TMEM237: variants seen among roughly 807,000 people sequenced by gnomAD.
TMEM237 encodes the protein transmembrane protein 237.
In TMEM237, 51 loss-of-function variants were observed where a neutral mutation model predicts 59.1. The ratio of observed to expected loss-of-function variants is 0.86; its 90% confidence interval spans 0.69 to 1.09. TMEM237 has a LOEUF of 1.09. Ranked by LOEUF, TMEM237 falls within the 50% of genes least tolerant of loss-of-function variation. The pLI is 0.00. For synonymous variants in TMEM237, 140 were observed against 166.1 expected (o/e 0.84, Z 1.21); for missense variants, 475 against 478.3 (o/e 0.99, Z 0.06).
At chr2:201,630,723 A>C (rs904598848) in intron 7 of TMEM237, among the ~76,000 whole-genome samples, 2 of 152,194 alleles carry the variant, frequency 1.3e-5, no homozygotes, top group East Asian at 3.9e-4. Flanking sequence ...AACTGCGGTA[A>C]TTTAAATGAC....
rs1687473455 is a variant in TMEM237, at chr2:201,643,365, GCCC to G, written c.33_35del (p.Glu11_Gly12delinsAsp). ...CGCGCCCCTCGCCGCTCACCAGGTG[GCCC>G]TCCTCCAGCCGAGCCCCCGAGTCAG... On this transcript the variant is annotated inframe_deletion, in exon 1 of 13. Coordinates refer to ENST00000409883, the MANE Select transcript of TMEM237 (RefSeq NM_001044385.3). This position sits in a 1 kb window ranked among gnomAD's most constrained non-coding sequence, Gnocchi z 4.3. The G allele has an allele frequency of 6.5e-7, 1 of 1,546,268 alleles. No individual in the cohort carries two copies. Among genetic ancestry groups the G allele is most frequent in the African/African-American group, 1.4e-5 (1 of 72,480 alleles).
intron 1 of TMEM237, chr2:201,642,463 A>C: frequency 1.2e-6 from 1 of 865,118 alleles, no homozygotes; most frequent in South Asian, 1.9e-5. Context: ...GATCGATCCC[A>C]GGGCTCTGTT....
chr2:201,621,953 G>C lies in TMEM237; in HGVS notation c.*2302C>G, dbSNP rs747511494. 5 of 152,214 alleles carry C rather than the reference G, an allele frequency of 3.3e-5. No homozygotes were observed. The highest frequency in any genetic ancestry group is 6.6e-5 in the Admixed American group (1 of 15,260). 9.4% of individuals were successfully genotyped at this position (152,214 alleles called of 1,614,324 possible). ...CAGTGAACTTCTTCCAAACTTCCCT[G>C]TCATCACAGTCAAACAATTTTTGAG... On this transcript the variant is annotated 3_prime_UTR_variant, in exon 13 of 13. Transcript: ENST00000409883.
chr2:201,629,787 C>A lies in TMEM237; in HGVS notation c.619G>T (p.Asp207Tyr). 1 of 1,613,684 alleles carries A rather than the reference C, an allele frequency of 6.2e-7. No homozygotes were observed. Among genetic ancestry groups the A allele is most frequent in the Non-Finnish European group, 8.5e-7 (1 of 1,179,828 alleles). ...KTTENIDVSM[D>Y]VKPSWTTRDV... ...CTGGTGGTCCAGGAAGGCTTCACGT[C>A]CATTGACACATCTATGTTTTCTGTG... Residue 207 changes from aspartate to tyrosine, a missense_variant, in exon 8 of 13, where the codon GAC becomes TAC. By Grantham distance (160) the Asp-to-Tyr change is radical. Coordinates refer to ENST00000409883, the MANE Select transcript of TMEM237 (RefSeq NM_001044385.3).
chr2:201,629,883 T>C (rs1309328445), intron 7 of TMEM237, 31 bp from the exon 8 acceptor site: 3 of 1,594,560 alleles, frequency 1.9e-6, no homozygotes, highest in South Asian at 2.3e-5. Context: ...TACTAACAAC[T>C]AGCGAGAGAG....
chr2:201,627,715 C>A (rs1957771325), intron 10 of TMEM237, among the ~76,000 whole-genome samples: 2 of 152,014 alleles, frequency 1.3e-5, no homozygotes, highest in Admixed American at 1.3e-4. Context: ...TATTAATATT[C>A]TCAAAACTTA....
chr2:201,642,554 C>T (rs2241134), intron 1 of TMEM237: 21,285 of 1,585,320 alleles, frequency 0.013, 203 homozygotes, highest in East Asian at 0.042. Context: ...AAAAGTAGGA[C>T]GGCTCAACTG....
At chr2:201,625,234 C>T (rs1347548668) in intron 12 of TMEM237, among the ~76,000 whole-genome samples, 21 of 151,714 alleles carry the variant, frequency 1.4e-4, no homozygotes, top group Non-Finnish European at 2.1e-4. Context: ...TGGTGGCGGG[C>T]GCCTGTAGTT....
intron 9 of TMEM237, among the ~76,000 whole-genome samples, chr2:201,628,471 T>C (rs1285966025): frequency 6.6e-6 from 1 of 152,178 alleles, no homozygotes; most frequent in Non-Finnish European, 1.5e-5. Context: ...CTCGGTGGAT[T>C]TTTTTTAAAA....
chr2:201,628,908 C>G (rs1271618298), intron 9 of TMEM237, among the ~76,000 whole-genome samples: 2 of 152,172 alleles, frequency 1.3e-5, no homozygotes, highest in African/African-American at 4.8e-5. Flanking sequence ...TTTGTTACAG[C>G]AGTGCTAGGA....
rs1157699544 is a variant in TMEM237, at chr2:201,628,090, G to A, written c.929C>T (p.Ala310Val). 1 of 1,607,628 alleles carries A rather than the reference G, an allele frequency of 6.2e-7. No homozygotes were observed. The highest frequency in any genetic ancestry group is 8.5e-7 in the Non-Finnish European group (1 of 1,176,826). ...IRNFLALDPT[A>V]LASFLYFTAL... is the part of the protein sequence containing the mutation. ...TGCTTACTCACAGAAAGATGCTAAA[G>A]CTGTAGGATCCAGGGCCAAAAAATT... The change falls in exon 10 of 13, where the codon GCT becomes GTT. Residue 310 changes from alanine to valine, a missense_variant. Coordinates refer to ENST00000409883, the MANE Select transcript of TMEM237 (RefSeq NM_001044385.3).
rs1199683872 is a variant in TMEM237, at chr2:201,620,200, T to G, written c.*4055A>C. On this transcript the variant is annotated 3_prime_UTR_variant, in exon 13 of 13. Coordinates refer to ENST00000409883, the MANE Select transcript of TMEM237 (RefSeq NM_001044385.3). The stretch of plus-strand genomic sequence containing the variant: ...GAACAAAACCAGAGAATTCCAGAAC[T>G]TCTTTATTGTACATAAAAATCTGAA... 2 of 152,170 alleles carry G rather than the reference T, an allele frequency of 1.3e-5. No homozygotes were observed. The highest frequency in any genetic ancestry group is 4.8e-5 in the African/African-American group (2 of 41,428). The allele number at this position is 152,170 out of a possible 1,614,324, so 9.4% of individuals were successfully genotyped here.
intron 1 of TMEM237, chr2:201,642,747 C>T (rs765332524): frequency 5.5e-6 from 8 of 1,467,476 alleles, no homozygotes; most frequent in Middle Eastern, 1.8e-4. Flanking sequence ...GCTAGTACCC[C>T]GCGCGCAGCG....
intron 9 of TMEM237, among the ~76,000 whole-genome samples, chr2:201,628,544 G>A (rs1211421699): frequency 6.6e-6 from 1 of 152,052 alleles, no homozygotes; most frequent in East Asian, 1.9e-4. Context: ...TTATGAATGT[G>A]ACCTTATTTG....
intron 7 of TMEM237, among the ~76,000 whole-genome samples, chr2:201,630,531 A>G (rs930402176): frequency 2.6e-5 from 4 of 152,164 alleles, no homozygotes; most frequent in African/African-American, 9.7e-5. Context: ...CACCAAACCC[A>G]GTTCGCAGGT....
At chr2:201,641,194 G>A (rs1395360703) in intron 1 of TMEM237, among the ~76,000 whole-genome samples, 1 of 152,158 alleles carries the variant, frequency 6.6e-6, no homozygotes, top group Non-Finnish European at 1.5e-5. Flanking sequence ...GTTTCACCAT[G>A]TTGGCCAGGC....
At chr2:201,626,738 G>A (rs535233465) in intron 11 of TMEM237, among the ~76,000 whole-genome samples, 8 of 152,016 alleles carry the variant, frequency 5.3e-5, no homozygotes, top group African/African-American at 1.2e-4. Flanking sequence ...TCCCTGACAG[G>A]GGGTAAGAAT....
At chr2:201,630,718 C>T (rs74858985) in intron 7 of TMEM237, among the ~76,000 whole-genome samples, 8 of 152,186 alleles carry the variant, frequency 5.3e-5, no homozygotes, top group East Asian at 1.9e-4. Context: ...AAAAGAACTG[C>T]GGTAATTTAA....
Position 201,624,310 on chromosome 2 carries a change from G to A in TMEM237, c.1172C>T (p.Ser391Phe). 1 of 1,611,800 alleles carries A rather than the reference G, an allele frequency of 6.2e-7. No individual in the cohort carries two copies. Among genetic ancestry groups the A allele is most frequent in the South Asian group, 1.1e-5 (1 of 90,782 alleles). The change falls in exon 13 of 13, where the codon TCC becomes TTC. Residue 391 changes from serine (S) to phenylalanine (F), a missense_variant. Transcript: ENST00000409883. ...GMDLSEELMF[S>F]SEVEEYPDKE... ...ATCAGGATATTCTTCCACCTCTGAG[G>A]AGAACATTAACTCTGGAGAAGAAAA... is the stretch of plus-strand genomic sequence containing the variant.
Sources: allele counts gnomAD v4.1 joint callset (sites outside exome capture counted in the v4.1 genomes callset), GRCh38; gene constraint gnomAD v4.1.1; non-coding constraint Gnocchi (gnomAD v3.1); transcripts MANE v1.5; gene names NCBI Gene and HGNC (gene_info 2026-07-23, HGNC 2026-07-21).